Variants in SYNE2 observed in about 807,000 individuals in gnomAD.
SYNE2 encodes spectrin repeat containing nuclear envelope protein 2.
Under a neutral mutation model 856.3 loss-of-function variants are expected in SYNE2, and 431 were observed. That is an observed-to-expected ratio of 0.50 (90% CI 0.47 to 0.55). The LOEUF (loss-of-function observed/expected upper bound fraction) is 0.55, where lower values mean the gene tolerates loss of function less well. Ranked by LOEUF, SYNE2 falls within the 20% of genes least tolerant of loss-of-function variation. SYNE2 has a pLI of 0.00. For synonymous variants in SYNE2, 2,923 were observed against 2,872.3 expected, an observed-to-expected ratio of 1.02 and a Z score of -0.56; for missense variants, 8,129 against 8,023.2, an observed-to-expected ratio of 1.01 and a Z score of -0.50.
chr14:64,051,731 T>C lies in SYNE2; in HGVS notation c.7818T>C (p.Gly2606=), dbSNP rs1333523578. 6.2e-7 allele frequency: 1 copy of C among 1,614,146 alleles called. No homozygotes were observed. Among genetic ancestry groups the C allele is most frequent in the South Asian group, 1.1e-5 (1 of 91,088 alleles). The change falls in exon 48 of 116, where the codon GGT becomes GGC. Residue 2606 remains glycine (G), a synonymous_variant. Coordinates refer to ENST00000555002, the MANE Select transcript of SYNE2 (RefSeq NM_182914.3). ...LESQIKQLEH[G]WEQVEQQIQK... ...GCCAGATTAAGCAACTTGAACATGG[T>C]TGGGAACAAGTGGAACAGCAGATTC...
intron 47 of SYNE2, among the ~76,000 whole-genome samples, chr14:64,050,152 G>A (rs1052965856): frequency 1.2e-4 from 18 of 152,108 alleles, no homozygotes; most frequent in African/African-American, 3.9e-4. Context: ...AGCATCTGAC[G>A]AGGACCTGCT....
At chr14:64,154,185 A>G (rs2098267717) in intron 85 of SYNE2, among the ~76,000 whole-genome samples, 1 of 147,996 alleles carries the variant, frequency 6.8e-6, no homozygotes, top group South Asian at 2.1e-4. Flanking sequence ...AAAAAAAAAG[A>G]CACAAGTATT....
At chr14:63,886,785 G>A (rs1022261766) in intron 1 of SYNE2, among the ~76,000 whole-genome samples, 1 of 151,880 alleles carries the variant, frequency 6.6e-6, no homozygotes, top group African/African-American at 2.4e-5. Flanking sequence ...TCAGCCTCCC[G>A]AGTAGCTGGG....
chr14:63,853,431 G>T (rs1890883842), intron 1 of SYNE2, among the ~76,000 whole-genome samples: 1 of 151,366 alleles, frequency 6.6e-6, no homozygotes, highest in African/African-American at 2.4e-5. Flanking sequence ...GGTTCTTTGT[G>T]TCACCTCCGG....
chr14:64,148,176 A>T (rs1487986584), intron 84 of SYNE2, among the ~76,000 whole-genome samples: 1 of 152,136 alleles, frequency 6.6e-6, no homozygotes, highest in African/African-American at 2.4e-5. Context: ...TTAGCCGGGC[A>T]TGGTGGTGCA....
chr14:64,220,143 G>C (rs1196718479), intron 110 of SYNE2, among the ~76,000 whole-genome samples: 1 of 152,192 alleles, frequency 6.6e-6, no homozygotes, highest in Non-Finnish European at 1.5e-5. Flanking sequence ...TTATCTGGAA[G>C]ACCTTTAGTC....
intron 96 of SYNE2, among the ~76,000 whole-genome samples, chr14:64,184,362 GTA>G (rs1555532245): frequency 1.0e-4 from 15 of 149,950 alleles, no homozygotes; most frequent in African/African-American, 3.2e-4. Flanking sequence ...GTGTGTGTGT[GTA>G]TGTGTATGAA....
intron 70 of SYNE2, chr14:64,122,639 T>A: frequency 1.5e-6 from 1 of 645,458 alleles, no homozygotes. Context: ...AGAGCTGTTA[T>A]TTATAACAAC....
intron 11 of SYNE2, among the ~76,000 whole-genome samples, chr14:63,970,043 C>T (rs1320374956): frequency 6.6e-6 from 1 of 152,082 alleles, no homozygotes; most frequent in African/African-American, 2.4e-5. Flanking sequence ...TAATCTTATA[C>T]CAGTATAGTC....
chr14:64,055,834 A>G (rs2097264282), intron 48 of SYNE2, 110 bp from the exon 49 acceptor site: 1 of 759,534 alleles, frequency 1.3e-6, no homozygotes, highest in South Asian at 1.9e-5. Flanking sequence ...TATAATAATA[A>G]TAAAAAAAGA....
chr14:63,774,603 C>T (rs1039244307), intron 1 of SYNE2, among the ~76,000 whole-genome samples: 15 of 151,276 alleles, frequency 9.9e-5, no homozygotes, highest in Admixed American at 2.0e-4. Context: ...GGTGTGATCA[C>T]GGCTCACTGC....
intron 99 of SYNE2, among the ~76,000 whole-genome samples, chr14:64,196,194 C>T (rs555862612): frequency 6.6e-6 from 1 of 152,238 alleles, no homozygotes; most frequent in Non-Finnish European, 1.5e-5. Context: ...GTGTTTGCTA[C>T]GTTTCAAGGT....
At chr14:64,202,334 T>C in intron 99 of SYNE2, 1 of 701,808 alleles carries the variant, frequency 1.4e-6, no homozygotes, top group Non-Finnish European at 2.6e-6. Flanking sequence ...GTGGACCAAA[T>C]ACCACCAAGT....
intron 109 of SYNE2, 58 bp from the exon 110 acceptor site, chr14:64,219,150 G>T: frequency 7.4e-7 from 1 of 1,355,248 alleles, no homozygotes. Context: ...TAATTAGCTG[G>T]AGGCAGAGAA....
At chr14:63,987,181 A>C (rs2096632806) in intron 19 of SYNE2, among the ~76,000 whole-genome samples, 1 of 151,936 alleles carries the variant, frequency 6.6e-6, no homozygotes, top group African/African-American at 2.4e-5. Flanking sequence ...GCTTGAACCC[A>C]GGAGGCGGAG....
At chr14:64,016,708 T>C (rs1041709438) in intron 33 of SYNE2, 77 bp downstream of exon 33, 42 of 988,072 alleles carry the variant, frequency 4.3e-5, no homozygotes, top group Non-Finnish European at 6.0e-5. Flanking sequence ...TTTTATTTAA[T>C]TCAAGATTCA....
At chr14:64,060,973 T>A (rs961399620) in intron 49 of SYNE2, among the ~76,000 whole-genome samples, 3 of 152,152 alleles carry the variant, frequency 2.0e-5, no homozygotes, top group Non-Finnish European at 4.4e-5. Flanking sequence ...ACGGATTCTT[T>A]CTCCCTGCCA....
chr14:64,119,452 A>C lies in SYNE2; in HGVS notation c.12866A>C (p.Lys4289Thr). The C allele has an allele frequency of 6.2e-7, 1 of 1,614,236 alleles. No individual in the cohort carries two copies. The highest frequency in any genetic ancestry group is 8.5e-7 in the Non-Finnish European group (1 of 1,180,030). ...CQAMLTEIEH[K>T]VAFLLETCKD... ...GCTATGCTAACAGAGATTGAGCACA[A>C]GGTTGCCTTTCTGTTAGAGACTTGC... Residue 4289 changes from lysine (K) to threonine (T), a missense_variant, in exon 67 of 116, where the codon AAG becomes ACG. This residue lies in a region of SYNE2 where 5,410 missense variants were observed against 5,284.8 expected (regional missense o/e 1.02). Coordinates refer to ENST00000555002, the MANE Select transcript of SYNE2 (RefSeq NM_182914.3).
intron 99 of SYNE2, among the ~76,000 whole-genome samples, chr14:64,202,482 T>A (rs1235885696): frequency 6.6e-6 from 1 of 152,174 alleles, no homozygotes; most frequent in Non-Finnish European, 1.5e-5. Flanking sequence ...TCTTCTCACC[T>A]CTGGAGCCCC....
Sources: allele counts gnomAD v4.1 joint callset (sites outside exome capture counted in the v4.1 genomes callset), GRCh38; gene constraint gnomAD v4.1.1; regional missense constraint gnomAD v4.1.1; transcripts MANE v1.5; gene names NCBI Gene and HGNC (gene_info 2026-07-23, HGNC 2026-07-21).